The following FAM229A variants were observed in gnomAD, a reference collection of about 807,000 sequenced individuals.
The protein encoded by FAM229A is protein FAM229A.
FAM229A carries 9 observed loss-of-function variants against 10.0 expected under a neutral mutation model. The observed-to-expected ratio is 0.90, with a 90% confidence interval of 0.54 to 1.56. The LOEUF (loss-of-function observed/expected upper bound fraction) is 1.56. FAM229A is among the 40% of genes most tolerant of loss of function. The pLI is 0.00. For synonymous variants in FAM229A, 93 were observed against 90.1 expected (o/e 1.03, Z -0.19); for missense variants, 196 against 197.6 (o/e 0.99, Z 0.05).
intron 2 of FAM229A, 36 bp downstream of exon 2, chr1:32,361,694 G>A (rs1440211493): frequency 7.8e-7 from 1 of 1,288,730 alleles, no homozygotes; most frequent in Non-Finnish European, 9.8e-7. Flanking sequence ...CGGGGCCGCG[G>A]GACGGGCGGA....
rs1356631625 is a variant in FAM229A at position 32,361,466 on chromosome 1, G to A, written c.351C>T (p.Ala117=). 2 of 1,378,244 alleles carry A rather than the reference G, an allele frequency of 1.5e-6. No homozygotes were observed. Among genetic ancestry groups the A allele is most frequent in the African/African-American group, 3.0e-5 (2 of 65,688 alleles). 85.4% of individuals were successfully genotyped at this position (1,378,244 alleles called of 1,614,324 possible). A position where few individuals can be genotyped will look rare whatever the true frequency, so the allele number is the denominator to read the frequency against. The part of the protein sequence containing the change: ...LLHVPIDVYL[A]MGGSPRARAT ...CGCGGGCCCGGGGGCTCCCGCCCAT[G>A]GCGAGGTAGACGTCGATGGGCACGT... The change falls in exon 3 of 3, where the codon GCC becomes GCT. Residue 117 remains alanine (A), a synonymous_variant. Coordinates refer to ENST00000432622, the MANE Select transcript of FAM229A (RefSeq NM_001167676.2).
chr1:32,362,076 T>G lies in FAM229A; in HGVS notation c.16A>C (p.Thr6Pro). The G allele has an allele frequency of 7.0e-7, 1 of 1,420,784 alleles. No homozygotes were observed. Among genetic ancestry groups the G allele is most frequent in the Non-Finnish European group, 9.2e-7 (1 of 1,090,880 alleles). The allele number at this position is 1,420,784 out of a possible 1,614,324, so 88.0% of individuals were successfully genotyped here. MLPSS[T>P]PGPGHATETC... ...TCTGTGGCGTGCCCGGGCCCGGGCG[T>G]CGAGGAGGGCAGCATTGTGACCCGG... The change falls in exon 1 of 3, where the codon ACG (threonine) becomes CCG (proline). Residue 6 changes from threonine (T) to proline (P), a missense_variant. By Grantham distance (38) the Thr-to-Pro change is conservative. Coordinates refer to ENST00000432622, the MANE Select transcript of FAM229A (RefSeq NM_001167676.2).
chr1:32,361,905 C>T (rs1486785718), intron 1 of FAM229A, 29 bp from the exon 2 acceptor site: 4 of 1,375,042 alleles, frequency 2.9e-6, no homozygotes, highest in East Asian at 3.1e-5. Context: ...TCAGGCCTCT[C>T]CCGGGTCGCC....
At position 32,362,029 on chromosome 1, in the gene FAM229A, T is replaced by G. The variant is rs897851521; in HGVS notation, c.63A>C (p.Gly21=). 139 of 1,481,984 alleles carry G rather than the reference T, an allele frequency of 9.4e-5. No homozygotes were observed. The highest frequency in any genetic ancestry group is 4.6e-4 in the Middle Eastern group (2 of 4,356). The allele number at this position is 1,481,984 out of a possible 1,614,324, so 91.8% of individuals were successfully genotyped here. Residue 21 remains glycine (G), a synonymous_variant, in exon 1 of 3, where the codon GGA becomes GGC. Transcript: ENST00000432622. ...CCCTGGCCGCGGGAGAACGCTCCGG[T>G]CCAGGCGGAGCCGGGCAGGTCTCTG... ...HATETCPAPP[G]PERSPAARAP...
chr1:32,361,822 G>GA lies in FAM229A; in HGVS notation c.188dup (p.Ile65HisfsTer2). The GA allele has an allele frequency of 1.6e-5, 21 of 1,330,842 alleles. No individual in the cohort carries two copies. Among genetic ancestry groups the GA allele is most frequent in the Non-Finnish European group, 2.0e-5 (21 of 1,043,784 alleles). 82.4% of individuals were successfully genotyped at this position (1,330,842 alleles called of 1,614,324 possible). A position where few individuals can be genotyped will look rare whatever the true frequency, so the allele number is the denominator to read the frequency against. Reference sequence around the variant, plus strand: ...CACGGGAGTCTCCGGCCTCAATGGGGAATCTCCGACCCTGCGGGGGCTCCT... The same window carrying GA: ...CACGGGAGTCTCCGGCCTCAATGGGGAAATCTCCGACCCTGCGGGGGCTCCT... On this transcript the variant is annotated frameshift_variant, in exon 2 of 3. Coordinates refer to ENST00000432622, the MANE Select transcript of FAM229A (RefSeq NM_001167676.2). LOFTEE classifies it high-confidence loss of function.
Position 32,361,398 on chromosome 1 carries a change from C to A in FAM229A, c.*35G>T. On this transcript the variant is annotated 3_prime_UTR_variant, in exon 3 of 3. Transcript: ENST00000432622. ...TGGCCCGCTGGGGGCCTCGTTCCCG[C>A]CCAGCTCCCGCGGAGCCGCAGGGAG... 8.1e-7 allele frequency: 1 copy of A among 1,229,848 alleles called. No homozygotes were observed. Among genetic ancestry groups the A allele is most frequent in the South Asian group, 2.6e-5 (1 of 38,366 alleles). 76.2% of individuals were successfully genotyped at this position (1,229,848 alleles called of 1,614,324 possible).
chr1:32,361,442 G>A lies in FAM229A; in HGVS notation c.375C>T (p.Arg125=). Residue 125 remains arginine (R), a synonymous_variant, in exon 3 of 3, where the codon CGC becomes CGT. Transcript: ENST00000432622. ...CAGGGAGCAGGCGCACTCACGTGGC[G>A]CGGGCCCGGGGGCTCCCGCCCATGG... ...YLAMGGSPRA[R]AT The A allele has an allele frequency of 1.5e-6, 2 of 1,350,600 alleles. No homozygotes were observed. The highest frequency in any genetic ancestry group is 1.9e-6 in the Non-Finnish European group (2 of 1,050,722). The allele number at this position is 1,350,600 out of a possible 1,614,324, so 83.7% of individuals were successfully genotyped here.
Position 32,362,060 on chromosome 1 carries a change from T to G in FAM229A, c.32A>C (p.His11Pro). MLPSSTPGPG[H>P]ATETCPAPPG... ...CGGAGCCGGGCAGGTCTCTGTGGCG[T>G]GCCCGGGCCCGGGCGTCGAGGAGGG... The change falls in exon 1 of 3, where the codon CAC becomes CCC. Residue 11 changes from histidine to proline, a missense_variant. By Grantham distance (77) the His-to-Pro change is moderately conservative. Coordinates refer to ENST00000432622, the MANE Select transcript of FAM229A (RefSeq NM_001167676.2). 3 of 1,437,234 alleles carry G rather than the reference T, an allele frequency of 2.1e-6. No homozygotes were observed. The highest frequency in any genetic ancestry group is 1.8e-6 in the Non-Finnish European group (2 of 1,100,700). 89.0% of individuals were successfully genotyped at this position (1,437,234 alleles called of 1,614,324 possible).
rs959867407 is a variant in FAM229A at position 32,361,721 on chromosome 1, G to A, written c.281+9C>T. The A allele has an allele frequency of 2.3e-6, 3 of 1,302,502 alleles. No individual in the cohort carries two copies. In the African/African-American group the frequency reaches 4.6e-5, roughly 20 times the overall value. The allele number at this position is 1,302,502 out of a possible 1,614,324, so 80.7% of individuals were successfully genotyped here. A position where few individuals can be genotyped will look rare whatever the true frequency, so the allele number is the denominator to read the frequency against. On this transcript the variant is annotated intron_variant, in intron 2 of 2. Coordinates refer to ENST00000432622, the MANE Select transcript of FAM229A (RefSeq NM_001167676.2). ...ACGGGCGGAGGCGGGGGTGGGGCGC[G>A]GGCCTTACCTGACCGGGTTGTGCTC...
In FAM229A at chr1:32,361,443, C is replaced by A; in HGVS notation, c.374G>T (p.Arg125Leu). The A allele has an allele frequency of 7.4e-7, 1 of 1,352,506 alleles. No homozygotes were observed. Among genetic ancestry groups the A allele is most frequent in the South Asian group, 1.7e-5 (1 of 58,498 alleles). The allele number at this position is 1,352,506 out of a possible 1,614,324, so 83.8% of individuals were successfully genotyped here. Residue 125 changes from arginine to leucine, a missense_variant, in exon 3 of 3, where the codon CGC (arginine) becomes CTC (leucine). Transcript: ENST00000432622. ...AGGGAGCAGGCGCACTCACGTGGCG[C>A]GGGCCCGGGGGCTCCCGCCCATGGC... ...YLAMGGSPRA[R>L]AT
At chr1:32,361,681 G>C in intron 2 of FAM229A, 49 bp downstream of exon 2, 1 of 1,284,764 alleles carries the variant, frequency 7.8e-7, no homozygotes, top group South Asian at 2.3e-5. Flanking sequence ...GTGGGACGGA[G>C]GGCGGGGCCG....
chr1:32,361,447 C>T lies in FAM229A; in HGVS notation c.370G>A (p.Ala124Thr), dbSNP rs1641700303. Reference sequence around the variant, plus strand: ...AGCAGGCGCACTCACGTGGCGCGGGCCCGGGGGCTCCCGCCCATGGCGAGG... The same window carrying T: ...AGCAGGCGCACTCACGTGGCGCGGGTCCGGGGGCTCCCGCCCATGGCGAGG... ...VYLAMGGSPR[A>T]RAT The change falls in exon 3 of 3, where the codon GCC becomes ACC. Residue 124 changes from alanine to threonine, a missense_variant. Transcript: ENST00000432622. The T allele has an allele frequency of 2.9e-6, 4 of 1,360,358 alleles. No individual in the cohort carries two copies. Among genetic ancestry groups the T allele is most frequent in the Non-Finnish European group, 3.8e-6 (4 of 1,055,848 alleles). The allele number at this position is 1,360,358 out of a possible 1,614,324, so 84.3% of individuals were successfully genotyped here.
At position 32,362,341 on chromosome 1, in the gene FAM229A, G is replaced by A. The variant is rs1641718402; in HGVS notation, c.-250C>T. The A allele has an allele frequency of 2.0e-6, 1 of 488,748 alleles. No homozygotes were observed. Among genetic ancestry groups the A allele is most frequent in the East Asian group, 3.4e-5 (1 of 29,634 alleles). The allele number at this position is 488,748 out of a possible 1,614,324, so 30.3% of individuals were successfully genotyped here. A position where few individuals can be genotyped will look rare whatever the true frequency, so the allele number is the denominator to read the frequency against. On this transcript the variant is annotated 5_prime_UTR_variant, in exon 1 of 3. Transcript: ENST00000432622. ...CCGCGCATTCCCGGTCCACACAGAC[G>A]CGGCGGAGCGCCCTCCCAGGCGGGA...
In FAM229A at chr1:32,361,713, TGGGGCGCG is replaced by T; in HGVS notation, c.281+9_281+16del. ...GCCGCGGGACGGGCGGAGGCGGGGG[TGGGGCGCG>T]GGCCTTACCTGACCGGGTTGTGCTC... On this transcript the variant is annotated intron_variant, in intron 2 of 2. Coordinates refer to ENST00000432622, the MANE Select transcript of FAM229A (RefSeq NM_001167676.2). The T allele has an allele frequency of 4.6e-6, 5 of 1,079,260 alleles. No homozygotes were observed. Among genetic ancestry groups the T allele is most frequent in the Non-Finnish European group, 5.7e-6 (5 of 883,608 alleles). The allele number at this position is 1,079,260 out of a possible 1,614,324, so 66.9% of individuals were successfully genotyped here.
At position 32,362,377 on chromosome 1, in the gene FAM229A, A is replaced by G. The variant is rs1207389571; in HGVS notation, c.-286T>C. 6.7e-6 allele frequency: 3 copies of G among 449,408 alleles called. No individual in the cohort carries two copies. Among genetic ancestry groups the G allele is most frequent in the South Asian group, 4.7e-5 (1 of 21,448 alleles). The allele number at this position is 449,408 out of a possible 1,614,324, so 27.8% of individuals were successfully genotyped here. A position where few individuals can be genotyped will look rare whatever the true frequency, so the allele number is the denominator to read the frequency against. On this transcript the variant is annotated 5_prime_UTR_variant, in exon 1 of 3. Transcript: ENST00000432622. ...CCCTCCCAGGCGGGACTACAACTCA[A>G]TGCCTGGCACGGGGGCGGGCTCGGC... is the stretch of plus-strand genomic sequence containing the variant.
Position 32,362,469 on chromosome 1 carries a change from C to G in FAM229A, c.-378G>C. 3.6e-6 allele frequency: 2 copies of G among 560,440 alleles called. No individual in the cohort carries two copies. Among genetic ancestry groups the G allele is most frequent in the South Asian group, 5.6e-5 (2 of 35,768 alleles). The allele number at this position is 560,440 out of a possible 1,614,324, so 34.7% of individuals were successfully genotyped here. On this transcript the variant is annotated 5_prime_UTR_variant, in exon 1 of 3. Transcript: ENST00000432622. ...CAGGTAGGGGCACTGCCCATTTTGG[C>G]CAAGGGTCACACAGCATCTACATCA...
Position 32,362,196 on chromosome 1 carries a change from T to A in FAM229A, c.-105A>T. The A allele has an allele frequency of 7.8e-7, 1 of 1,280,748 alleles. No individual in the cohort carries two copies. 79.3% of individuals were successfully genotyped at this position (1,280,748 alleles called of 1,614,324 possible). A position where few individuals can be genotyped will look rare whatever the true frequency, so the allele number is the denominator to read the frequency against. ...CCCTGGCACTCAGCGCGGGCCAGAA[T>A]CGGGGACTGGAGGCCTCTGGCCATG... is the stretch of plus-strand genomic sequence containing the variant. On this transcript the variant is annotated 5_prime_UTR_variant, in exon 1 of 3. Coordinates refer to ENST00000432622, the MANE Select transcript of FAM229A (RefSeq NM_001167676.2).
In FAM229A at chr1:32,361,397, G is replaced by C; in HGVS notation, c.*36C>G. 1 of 1,215,638 alleles carries C rather than the reference G, an allele frequency of 8.2e-7. No individual in the cohort carries two copies. Among genetic ancestry groups the C allele is most frequent in the Non-Finnish European group, 1.0e-6 (1 of 956,168 alleles). The allele number at this position is 1,215,638 out of a possible 1,614,324, so 75.3% of individuals were successfully genotyped here. A position where few individuals can be genotyped will look rare whatever the true frequency, so the allele number is the denominator to read the frequency against. On this transcript the variant is annotated 3_prime_UTR_variant, in exon 3 of 3. Transcript: ENST00000432622. ...GTGGCCCGCTGGGGGCCTCGTTCCCGCCCAGCTCCCGCGGAGCCGCAGGGA... is the reference window on the plus strand; with the variant it reads ...GTGGCCCGCTGGGGGCCTCGTTCCCCCCCAGCTCCCGCGGAGCCGCAGGGA...
chr1:32,361,610 G>A, intron 2 of FAM229A, 75 bp from the exon 3 acceptor site: 1 of 1,246,286 alleles, frequency 8.0e-7, no homozygotes, highest in Non-Finnish European at 1.0e-6. Context: ...CCCAGGGAGT[G>A]CACCTGGGGT....
Sources: allele counts gnomAD v4.1 joint callset, GRCh38; gene constraint gnomAD v4.1.1; transcripts MANE v1.5; gene names NCBI Gene and HGNC (gene_info 2026-07-23, HGNC 2026-07-21).